Variants in THADA observed in about 807,000 individuals in gnomAD.
THADA encodes THADA armadillo repeat containing, also known as tRNA (32-2'-O)-methyltransferase regulator THADA.
THADA carries 213 observed loss-of-function variants against 219.8 expected under a neutral mutation model. The ratio of observed to expected loss-of-function variants is 0.97; its 90% CI spans 0.87 to 1.09. The LOEUF (loss-of-function observed/expected upper bound fraction) is 1.09. THADA is among the 50% of genes least tolerant of loss of function. THADA has a pLI of 0.00. For synonymous variants in THADA, 1,018 were observed against 828.9 expected (o/e 1.23, Z -3.92); for missense variants, 2,956 against 2,311.3 (o/e 1.28, Z -5.72).
rs558454125 is a variant in THADA, at chr2:43,480,109, G to A, written c.3836+5125C>T. Among the ~76,000 whole-genome samples the A allele has an allele frequency of 3.3e-5, 5 of 152,332 alleles. No homozygotes were observed. In the South Asian group the frequency reaches 1.0e-3, roughly 32 times the overall value. On this transcript the variant is annotated intron_variant, in intron 26 of 37. Transcript: ENST00000405975. ...TTTGGTGTGTAACAGCATGTGCTCT[G>A]CAGATGGAGCTCGCTTTGTGTTCTA...
intron 36 of THADA, among the ~76,000 whole-genome samples, chr2:43,270,574 T>C (rs554269660): frequency 5.3e-5 from 8 of 152,312 alleles, no homozygotes; most frequent in African/African-American, 1.7e-4. Flanking sequence ...TCAGAGAGGA[T>C]CTGAGAGTGC....
At chr2:43,266,154 G>C (rs1671496368) in intron 36 of THADA, among the ~76,000 whole-genome samples, 1 of 152,136 alleles carries the variant, frequency 6.6e-6, no homozygotes, top group South Asian at 2.1e-4. Context: ...CTCATCGCTG[G>C]GGCCAGTGAG....
intron 29 of THADA, among the ~76,000 whole-genome samples, chr2:43,379,623 T>C (rs1005240818): frequency 3.9e-5 from 6 of 152,226 alleles, no homozygotes; most frequent in African/African-American, 1.2e-4. Context: ...TAAAGCCATT[T>C]TGGAAGATAG....
intron 31 of THADA, among the ~76,000 whole-genome samples, chr2:43,296,951 C>T (rs868711467): frequency 0.024 from 3,494 of 145,104 alleles, 158 homozygotes; most frequent in African/African-American, 0.087. Context: ...AGCCTCTGCC[C>T]GGCCGCCACC....
intron 31 of THADA, among the ~76,000 whole-genome samples, chr2:43,297,401 A>C (rs1675580182): frequency 1.1e-5 from 1 of 94,042 alleles, no homozygotes; most frequent in Non-Finnish European, 2.0e-5. Flanking sequence ...CCATCTGGGA[A>C]GTGAGGAGCG....
chr2:43,232,112 TACTG>T (rs1237220891), intron 37 of THADA, among the ~76,000 whole-genome samples: 2 of 152,220 alleles, frequency 1.3e-5, no homozygotes, highest in Non-Finnish European at 2.9e-5. Flanking sequence ...CTAACTCCAA[TACTG>T]ACTAACAAGC....
intron 36 of THADA, among the ~76,000 whole-genome samples, chr2:43,248,200 GA>G (rs1321927129): frequency 5.2e-4 from 66 of 126,968 alleles, no homozygotes; most frequent in East Asian, 1.1e-3. Flanking sequence ...GAGAGAGAGA[GA>G]GAGAGAGAGA....
chr2:43,438,921 T>C (rs1680496600), intron 26 of THADA, among the ~76,000 whole-genome samples: 1 of 152,240 alleles, frequency 6.6e-6, no homozygotes, highest in Non-Finnish European at 1.5e-5. Context: ...ATGTGGTCTC[T>C]CTCTATATAT....
At chr2:43,389,486 T>C (rs947872986) in intron 29 of THADA, among the ~76,000 whole-genome samples, 1 of 152,110 alleles carries the variant, frequency 6.6e-6, no homozygotes. Context: ...TAAAACAGGA[T>C]GCGATAAAAG....
intron 26 of THADA, among the ~76,000 whole-genome samples, chr2:43,478,193 A>G (rs1311650373): frequency 1.3e-5 from 2 of 151,092 alleles, no homozygotes; most frequent in Non-Finnish European, 2.9e-5. Context: ...TGAAAAAATT[A>G]AGAGTATATT....
chr2:43,578,026 C>G (rs141325300), intron 9 of THADA, among the ~76,000 whole-genome samples: 28 of 151,642 alleles, frequency 1.8e-4, no homozygotes, highest in African/African-American at 6.5e-4. Flanking sequence ...CTGTTATTGT[C>G]TTTTTGTTAT....
At chr2:43,515,214 A>C (rs367718769) in intron 22 of THADA, among the ~76,000 whole-genome samples, 1 of 19,620 alleles carries the variant, frequency 5.1e-5, no homozygotes, top group African/African-American at 2.3e-4. Flanking sequence ...TATAATATAT[A>C]ATATATTATA....
At chr2:43,446,268 G>A (rs764157421) in intron 26 of THADA, among the ~76,000 whole-genome samples, 1 of 152,118 alleles carries the variant, frequency 6.6e-6, no homozygotes. Context: ...AACTTCTATC[G>A]TTCCTTATAT....
At chr2:43,404,049 A>G (rs932622582) in intron 28 of THADA, among the ~76,000 whole-genome samples, 2 of 152,164 alleles carry the variant, frequency 1.3e-5, no homozygotes, top group Non-Finnish European at 2.9e-5. Context: ...TCTTTTTTCT[A>G]TGTATGTTTT....
intron 31 of THADA, among the ~76,000 whole-genome samples, chr2:43,309,540 T>C (rs1677250974): frequency 6.6e-6 from 1 of 152,116 alleles, no homozygotes; most frequent in South Asian, 2.1e-4. Context: ...GAATGAAGGA[T>C]AAAATTACAA....
chr2:43,306,763 G>C (rs1013876022), intron 31 of THADA, among the ~76,000 whole-genome samples: 1 of 152,214 alleles, frequency 6.6e-6, no homozygotes, highest in Non-Finnish European at 1.5e-5. Context: ...ATGGAGAGAG[G>C]AGTTAGGTTA....
At chr2:43,448,760 C>T (rs912302850) in intron 26 of THADA, among the ~76,000 whole-genome samples, 1 of 151,734 alleles carries the variant, frequency 6.6e-6, no homozygotes, top group African/African-American at 2.4e-5. Context: ...TCAGGCAGAC[C>T]CCCTGACACA....
chr2:43,424,470 C>A (rs1361391310), intron 28 of THADA, among the ~76,000 whole-genome samples: 1 of 152,170 alleles, frequency 6.6e-6, no homozygotes, highest in Non-Finnish European at 1.5e-5. Context: ...ACCCACTGTG[C>A]ATACACCCAT....
rs1167531978 is a variant in THADA at position 43,231,200 on chromosome 2, G to A, written c.5610C>T (p.His1870=). 6.2e-7 allele frequency: 1 copy of A among 1,613,788 alleles called. No homozygotes were observed. The highest frequency in any genetic ancestry group is 1.7e-5 in the Admixed American group (1 of 59,986). The stretch of plus-strand genomic sequence containing the variant: ...ACTGCTCTGACACCATCCTTTGAAG[G>A]TGACAGAGCATCTCAGGGCTTGGGG... ...WRPPSPEMLC[H]LQRMVSEQCH... is the part of the protein sequence containing the mutation. Residue 1870 remains histidine, a synonymous_variant, in exon 38 of 38, where the codon CAC becomes CAT. Coordinates refer to ENST00000405975, the MANE Select transcript of THADA (RefSeq NM_022065.5).
Sources: gnomAD v4.1 joint callset for allele counts (sites outside exome capture counted in the v4.1 genomes callset) on GRCh38, gnomAD v4.1.1 for gene constraint, MANE v1.5 for transcripts, NCBI Gene and HGNC (gene_info 2026-07-23, HGNC 2026-07-21) for gene names.